Variants in BCAS3 observed in about 807,000 individuals in gnomAD.
BCAS3 encodes BCAS4/BCAS3 fusion.
In BCAS3, 53 loss-of-function variants were observed where a neutral mutation model predicts 116.1. The observed-to-expected ratio is 0.46, with a 90% CI of 0.37 to 0.57. BCAS3 has a LOEUF of 0.57. Ranked by LOEUF, BCAS3 falls within the 20% of genes least tolerant of loss-of-function variation. The pLI, the probability that BCAS3 is intolerant of heterozygous loss-of-function variation, is 0.00. For missense variants in BCAS3, 917 were observed against 1,165.4 expected, an observed-to-expected ratio of 0.79 and a Z score of 3.10; for synonymous variants, 391 against 408.2, an observed-to-expected ratio of 0.96 and a Z score of 0.51.
intron 10 of BCAS3, among the ~76,000 whole-genome samples, chr17:60,892,903 C>A (rs1241740013): frequency 1.3e-5 from 2 of 152,080 alleles, no homozygotes; most frequent in Non-Finnish European, 1.5e-5. Context: ...GCCTGGCCAA[C>A]AAGAATGAAA....
intron 5 of BCAS3, among the ~76,000 whole-genome samples, chr17:60,739,123 A>G (rs1164020820): frequency 6.6e-6 from 1 of 152,152 alleles, no homozygotes; most frequent in Non-Finnish European, 1.5e-5. Flanking sequence ...ATACTGCTTC[A>G]TGGGTAGTGC....
chr17:60,938,830 G>T (rs1019503622), intron 13 of BCAS3, among the ~76,000 whole-genome samples: 29 of 152,060 alleles, frequency 1.9e-4, no homozygotes, highest in Non-Finnish European at 3.5e-4. Context: ...ATATTTAAAA[G>T]CCAGTAAGCA....
At chr17:61,150,871 A>C (rs952529782) in intron 22 of BCAS3, among the ~76,000 whole-genome samples, 4 of 152,184 alleles carry the variant, frequency 2.6e-5, no homozygotes, top group Non-Finnish European at 5.9e-5. Flanking sequence ...TTTCTCACTT[A>C]CTGAACGTGA....
intron 22 of BCAS3, among the ~76,000 whole-genome samples, chr17:61,320,803 G>C (rs2055148441): frequency 6.6e-6 from 1 of 151,962 alleles, no homozygotes. Context: ...ACTTGCTTTG[G>C]ATGTATGTTT....
At chr17:60,936,836 TTTGCTGTGC>T (rs1646971280) in intron 13 of BCAS3, among the ~76,000 whole-genome samples, 1 of 152,232 alleles carries the variant, frequency 6.6e-6, no homozygotes, top group African/African-American at 2.4e-5. Context: ...GGTAGTTTCT[TTTGCTGTGC>T]AGACGCTCTT....
At chr17:60,720,448 T>C (rs2039113624) in intron 5 of BCAS3, 2 of 152,222 alleles carry the variant, frequency 1.3e-5, no homozygotes, top group South Asian at 4.1e-4. Flanking sequence ...CTTATCTTCT[T>C]TTGAAATGCT....
chr17:60,960,960 C>T lies in BCAS3; in HGVS notation c.1221+13608C>T, dbSNP rs1433813234. 1.3e-5 allele frequency among the ~76,000 whole-genome samples: 2 copies of T among 152,002 alleles called. No individual in the cohort carries two copies. The highest frequency in any genetic ancestry group is 2.9e-5 in the Non-Finnish European group (2 of 68,018). On this transcript the variant is annotated intron_variant, in intron 14 of 23. Coordinates refer to ENST00000407086, the MANE Select transcript of BCAS3 (RefSeq NM_017679.5). This position sits in a 1 kb window ranked among gnomAD's most constrained non-coding sequence, Gnocchi z 4.1. ...TTTGTCTCTCTATTCCTGGCTTCTG[C>T]TGATTGAGTGGATCCATGAAACACA...
chr17:61,212,045 C>A (rs902471769), intron 22 of BCAS3, among the ~76,000 whole-genome samples: 1 of 152,146 alleles, frequency 6.6e-6, no homozygotes, highest in Non-Finnish European at 1.5e-5. Flanking sequence ...AGAAACAAAG[C>A]AGCTAATGTT....
At chr17:60,741,785 T>C (rs895388190) in intron 5 of BCAS3, among the ~76,000 whole-genome samples, 1 of 152,154 alleles carries the variant, frequency 6.6e-6, no homozygotes, top group African/African-American at 2.4e-5. Context: ...TACAATCACA[T>C]TGGAAAATTA....
chr17:61,388,617 G>A lies in BCAS3; in HGVS notation c.2594-3360G>A, dbSNP rs1240723392. ...TTCCTCAATGCTTTTCTTTTCAAAA[G>A]GGAAAAAAAAAGGAAAAAAAAAACA... On this transcript the variant is annotated intron_variant, in intron 23 of 23. Transcript: ENST00000407086. The surrounding 1 kb of genome is among the most constrained non-coding windows in gnomAD (Gnocchi z 6.5). 2 of 1,532,116 alleles carry A rather than the reference G, an allele frequency of 1.3e-6. No individual in the cohort carries two copies. The highest frequency in any genetic ancestry group is 1.7e-6 in the Non-Finnish European group (2 of 1,146,510). 94.9% of individuals were successfully genotyped at this position (1,532,116 alleles called of 1,614,324 possible).
intron 22 of BCAS3, among the ~76,000 whole-genome samples, chr17:61,236,994 A>G (rs1379950989): frequency 1.3e-5 from 2 of 152,210 alleles, no homozygotes; most frequent in South Asian, 2.1e-4. Flanking sequence ...CAGGCCTGAG[A>G]GTGGACTTCC....
chr17:60,848,618 G>A (rs2144791567), intron 7 of BCAS3, among the ~76,000 whole-genome samples: 1 of 152,210 alleles, frequency 6.6e-6, no homozygotes, highest in African/African-American at 2.4e-5. Flanking sequence ...GATGTTAGGG[G>A]AAAAACTTTC....
chr17:60,764,196 T>C (rs1568196762), intron 6 of BCAS3, among the ~76,000 whole-genome samples: 1 of 152,068 alleles, frequency 6.6e-6, no homozygotes, highest in Non-Finnish European at 1.5e-5. Flanking sequence ...TCTATCTCCT[T>C]CAATTCTGCT....
intron 5 of BCAS3, among the ~76,000 whole-genome samples, chr17:60,722,990 A>G (rs147770512): frequency 9.6e-4 from 145 of 151,382 alleles, no homozygotes; most frequent in Non-Finnish European, 1.6e-3. Context: ...GTGGTGAGCT[A>G]TGATCACGTT....
At chr17:60,845,983 C>T (rs946576467) in intron 7 of BCAS3, among the ~76,000 whole-genome samples, 2 of 151,488 alleles carry the variant, frequency 1.3e-5, no homozygotes, top group African/African-American at 2.4e-5. Context: ...GGCTGGAGTG[C>T]AGTGGTGACA....
intron 13 of BCAS3, among the ~76,000 whole-genome samples, chr17:60,930,309 G>A (rs1051214943): frequency 2.0e-5 from 3 of 152,184 alleles, no homozygotes; most frequent in African/African-American, 7.2e-5. Context: ...CTTTTTACTA[G>A]TTTAGGGAAG....
chr17:60,758,118 T>A (rs2043174753), intron 6 of BCAS3, among the ~76,000 whole-genome samples: 1 of 152,224 alleles, frequency 6.6e-6, no homozygotes, highest in South Asian at 2.1e-4. Flanking sequence ...TCTATGTGTC[T>A]GTTTTTATAC....
rs148351822 is a variant in BCAS3, at chr17:61,128,807, T to G, written c.2425+44243T>G. Among the ~76,000 whole-genome samples, 5 of 152,252 alleles carry G rather than the reference T, an allele frequency of 3.3e-5. No homozygotes were observed. The East Asian group carries it at 9.7e-4, about 29-fold the overall frequency. ...CGGCAACTTTTGGTCTGTCACAAGG[T>G]CAAGTGATGATTAGTGATGTAGTCT... On this transcript the variant is annotated intron_variant, in intron 22 of 23. Coordinates refer to ENST00000407086, the MANE Select transcript of BCAS3 (RefSeq NM_017679.5). The surrounding 1 kb of genome is among the most constrained non-coding windows in gnomAD (Gnocchi z 4.1).
At chr17:60,709,365 C>A in intron 5 of BCAS3, 40 bp downstream of exon 5, 1 of 1,182,140 alleles carries the variant, frequency 8.5e-7, no homozygotes, top group Non-Finnish European at 1.3e-6. Flanking sequence ...ACATACTTCC[C>A]AGCATGTTAG....
Sources: allele counts gnomAD v4.1 joint callset (sites outside exome capture counted in the v4.1 genomes callset), GRCh38; gene constraint gnomAD v4.1.1; non-coding constraint Gnocchi (gnomAD v3.1); transcripts MANE v1.5; gene names NCBI Gene and HGNC (gene_info 2026-07-23, HGNC 2026-07-21).